The following DLG2 variants were observed in gnomAD, a reference collection of about 807,000 sequenced individuals.
DLG2 encodes disks large homolog 2.
In DLG2, 45 loss-of-function variants were observed where a neutral mutation model predicts 132.5. The ratio of observed to expected loss-of-function variants is 0.34; its 90% CI spans 0.27 to 0.44. DLG2 has a LOEUF of 0.44. Among genes scored for constraint, DLG2 ranks in the 20% least tolerant of loss-of-function variants. The pLI is 1.00. For synonymous variants in DLG2, 424 were observed against 419.6 expected (o/e 1.01, Z -0.13); for missense variants, 1,045 against 1,196.9 (o/e 0.87, Z 1.87).
chr11:84,361,838 T>C (rs1418115924), intron 7 of DLG2, among the ~76,000 whole-genome samples: 2 of 151,962 alleles, frequency 1.3e-5, no homozygotes, highest in Non-Finnish European at 2.9e-5. Context: ...AGTGGTATAA[T>C]ATTATTTAAA....
chr11:84,925,139 C>T (rs915718029), intron 6 of DLG2, among the ~76,000 whole-genome samples: 4 of 152,078 alleles, frequency 2.6e-5, no homozygotes, highest in Admixed American at 2.0e-4. Context: ...CCATTAGAAG[C>T]TGGGAAAATG....
chr11:84,381,401 T>C (rs1601072213), intron 7 of DLG2, among the ~76,000 whole-genome samples: 1 of 152,102 alleles, frequency 6.6e-6, no homozygotes, highest in East Asian at 1.9e-4. Flanking sequence ...ATACTAAAAT[T>C]AGGCAATCTC....
chr11:85,248,177 C>T (rs184152486), intron 4 of DLG2, among the ~76,000 whole-genome samples: 4 of 152,166 alleles, frequency 2.6e-5, no homozygotes, highest in South Asian at 2.1e-4. Flanking sequence ...AATGCTACTA[C>T]GCCATTTCAC....
intron 6 of DLG2, chr11:84,640,616 A>ATCCTAAT (rs765523453): frequency 4.1e-5 from 10 of 241,506 alleles, no homozygotes; most frequent in Admixed American, 1.5e-4. Flanking sequence ...GATTCCTAAG[A>ATCCTAAT]CCTATTTGTG....
chr11:85,287,548 CTTAT>C (rs1305864937), intron 3 of DLG2, among the ~76,000 whole-genome samples: 3 of 152,044 alleles, frequency 2.0e-5, no homozygotes, highest in African/African-American at 7.2e-5. Flanking sequence ...TCCTTGGTAA[CTTAT>C]TTATTCCTAG....
intron 6 of DLG2, among the ~76,000 whole-genome samples, chr11:85,041,193 C>G (rs552133512): frequency 9.9e-5 from 15 of 151,808 alleles, no homozygotes; most frequent in African/African-American, 2.7e-4. Context: ...GTTTAAATAG[C>G]CTTCATGGGT....
chr11:85,085,924 T>C (rs1166201414), intron 6 of DLG2, among the ~76,000 whole-genome samples: 1 of 152,126 alleles, frequency 6.6e-6, no homozygotes, highest in Non-Finnish European at 1.5e-5. Flanking sequence ...TGTGGTTAGG[T>C]TGTAATTAAA....
At position 84,006,196 on chromosome 11, in the gene DLG2, C is replaced by T. The variant is rs534963305; in HGVS notation, c.920-25554G>A. Among the ~76,000 whole-genome samples the T allele has an allele frequency of 1.2e-4, 18 of 151,754 alleles. No homozygotes were observed. The South Asian group carries it at 3.3e-3, about 28-fold the overall frequency. ...TAGTAACATCGATAGAGCTAGTGGTCATTATATAAAGTGAAATAAGCAGGT... is the reference window on the plus strand; with the variant it reads ...TAGTAACATCGATAGAGCTAGTGGTTATTATATAAAGTGAAATAAGCAGGT... On this transcript the variant is annotated intron_variant, in intron 11 of 27. Transcript: ENST00000376104.
At chr11:84,693,083 C>A (rs954555077) in intron 6 of DLG2, among the ~76,000 whole-genome samples, 1 of 151,680 alleles carries the variant, frequency 6.6e-6, no homozygotes, top group African/African-American at 2.4e-5. Flanking sequence ...TCATTGCTTT[C>A]ATTAGTTTCT....
chr11:83,827,745 C>A (rs564052369), intron 17 of DLG2, among the ~76,000 whole-genome samples: 36 of 152,248 alleles, frequency 2.4e-4, no homozygotes, highest in Admixed American at 2.0e-3. Context: ...TTTTTCCTAA[C>A]AAATCACTGA....
intron 7 of DLG2, among the ~76,000 whole-genome samples, chr11:84,491,955 T>C (rs1457728389): frequency 1.3e-5 from 2 of 152,120 alleles, no homozygotes; most frequent in African/African-American, 4.8e-5. Context: ...AGTGTGTTAC[T>C]TTCCCATTGC....
chr11:84,646,634 A>C (rs2099675310), intron 6 of DLG2, among the ~76,000 whole-genome samples: 1 of 152,104 alleles, frequency 6.6e-6, no homozygotes, highest in Non-Finnish European at 1.5e-5. Context: ...TCTATTCTAG[A>C]AACCAATGGC....
intron 7 of DLG2, among the ~76,000 whole-genome samples, chr11:84,288,429 A>G (rs1225365684): frequency 1.3e-5 from 2 of 152,088 alleles, no homozygotes; most frequent in Admixed American, 6.6e-5. Context: ...ACTTTAGGCA[A>G]TAAGAAGCTA....
intron 9 of DLG2, among the ~76,000 whole-genome samples, chr11:84,123,418 A>C (rs2094017805): frequency 6.6e-6 from 1 of 152,208 alleles, no homozygotes; most frequent in Non-Finnish European, 1.5e-5. Flanking sequence ...TGGAGTCATA[A>C]GACAATATTA....
intron 7 of DLG2, among the ~76,000 whole-genome samples, chr11:84,477,826 G>T (rs920548680): frequency 2.0e-5 from 3 of 152,136 alleles, no homozygotes; most frequent in Non-Finnish European, 4.4e-5. Context: ...AGTTAAACAA[G>T]TTTCACATTC....
At chr11:85,099,758 C>T (rs1039849778) in intron 6 of DLG2, among the ~76,000 whole-genome samples, 1 of 152,090 alleles carries the variant, frequency 6.6e-6, no homozygotes, top group Non-Finnish European at 1.5e-5. Flanking sequence ...TGATGATGTC[C>T]GTGTTTGTTC....
At chr11:83,739,741 G>C (rs368107646) in intron 18 of DLG2, among the ~76,000 whole-genome samples, 7 of 152,216 alleles carry the variant, frequency 4.6e-5, no homozygotes, top group African/African-American at 1.7e-4. Flanking sequence ...AACAAACACA[G>C]GAAGACTGAA....
chr11:83,600,658 G>C (rs654442), intron 19 of DLG2, among the ~76,000 whole-genome samples: 75,821 of 152,056 alleles, frequency 0.5, 19,878 homozygotes, highest in African/African-American at 0.65. Context: ...CTGCCCTGGG[G>C]TGCATTACTG....
Position 84,637,479 on chromosome 11 carries a change from C to T in DLG2, c.358-102748G>A, listed in dbSNP as rs955507757. Among the ~76,000 whole-genome samples, 11 of 152,158 alleles carry T rather than the reference C, an allele frequency of 7.2e-5. No individual in the cohort carries two copies. The East Asian group carries it at 2.1e-3, about 29-fold the overall frequency. On this transcript the variant is annotated intron_variant, in intron 6 of 27. Transcript: ENST00000376104. The stretch of plus-strand genomic sequence containing the variant: ...ATAGGTTCTAACCTAGAGAAGCAGC[C>T]TGATAAATGCCTGAAAGAACTGAAT...
Sources: gnomAD v4.1 joint callset for allele counts (sites outside exome capture counted in the v4.1 genomes callset) on GRCh38, gnomAD v4.1.1 for gene constraint, MANE v1.5 for transcripts, NCBI Gene and HGNC (gene_info 2026-07-23, HGNC 2026-07-21) for gene names.